The following KIF3A variants were observed in gnomAD, a reference collection of about 807,000 sequenced individuals.
KIF3A encodes kinesin family member 3A.
Under a neutral mutation model 92.6 loss-of-function variants are expected in KIF3A, and 27 were observed. The ratio of observed to expected loss-of-function variants is 0.29; its 90% CI spans 0.21 to 0.40. The LOEUF is 0.40. Ranked by LOEUF, KIF3A falls within the 10% of genes least tolerant of loss-of-function variation. KIF3A has a pLI of 1.00. For synonymous variants in KIF3A, 250 were observed against 275.4 expected (o/e 0.91, Z 0.92); for missense variants, 581 against 872.6 (o/e 0.67, Z 4.21).
At chr5:132,705,875 T>G (rs190961741) in intron 11 of KIF3A, among the ~76,000 whole-genome samples, 151 of 152,202 alleles carry the variant, frequency 9.9e-4, no homozygotes, top group African/African-American at 3.4e-3. Flanking sequence ...AGGACTTTTT[T>G]TTAAAAAAAC....
In KIF3A at chr5:132,728,089, C is replaced by G. The variant is rs543815270; in HGVS notation, c.281-1591G>C. Among the ~76,000 whole-genome samples, 26 of 152,228 alleles carry G rather than the reference C, an allele frequency of 1.7e-4. 1 individual carries two copies. The South Asian group carries it at 4.8e-3, about 28-fold the overall frequency. Reference sequence around the variant, plus strand: ...CACTTGAAGCAGAAAATATCATGAGCTCATAGACTGCATTTCAGAATAGAC... The same window carrying G: ...CACTTGAAGCAGAAAATATCATGAGGTCATAGACTGCATTTCAGAATAGAC... On this transcript the variant is annotated intron_variant, in intron 2 of 18. Coordinates refer to ENST00000403231, the MANE Select transcript of KIF3A (RefSeq NM_001300791.2).
At chr5:132,710,922 C>T (rs1418176487) in intron 9 of KIF3A, 37 bp downstream of exon 9, 1 of 1,613,274 alleles carries the variant, frequency 6.2e-7, no homozygotes, top group Non-Finnish European at 8.5e-7. Context: ...GTGAAACCAC[C>T]TAATTTCTAC....
chr5:132,719,169 A>G (rs1195718723), intron 5 of KIF3A, among the ~76,000 whole-genome samples: 4 of 152,216 alleles, frequency 2.6e-5, no homozygotes, highest in African/African-American at 4.8e-5. Context: ...CCATTTCTTC[A>G]AAGTCTCACC....
intron 8 of KIF3A, 73 bp from the exon 9 acceptor site, chr5:132,711,130 A>G: frequency 1.5e-6 from 2 of 1,378,194 alleles, no homozygotes; most frequent in Non-Finnish European, 2.0e-6. Flanking sequence ...TACCTATATC[A>G]GCTTTCTTCC....
intron 14 of KIF3A, 35 bp downstream of exon 14, chr5:132,702,523 A>C: frequency 8.2e-7 from 1 of 1,221,466 alleles, no homozygotes; most frequent in Non-Finnish European, 1.2e-6. Flanking sequence ...AAAAATCCAG[A>C]ACTGCATTAG....
chr5:132,711,429 T>C (rs905544125), intron 8 of KIF3A, among the ~76,000 whole-genome samples: 3 of 151,962 alleles, frequency 2.0e-5, no homozygotes, highest in African/African-American at 4.8e-5. Context: ...CCATCTCTAC[T>C]AAAAATACAA....
chr5:132,718,849 T>C (rs1483312995), intron 5 of KIF3A, among the ~76,000 whole-genome samples: 1 of 151,762 alleles, frequency 6.6e-6, no homozygotes, highest in Non-Finnish European at 1.5e-5. Flanking sequence ...GGCTGGTCTC[T>C]AACTCCTGAG....
chr5:132,719,684 G>GT (rs1279560710), intron 5 of KIF3A, among the ~76,000 whole-genome samples: 1 of 151,730 alleles, frequency 6.6e-6, no homozygotes, highest in Non-Finnish European at 1.5e-5. Flanking sequence ...TAGAGACGGG[G>GT]TTTCACCATG....
intron 4 of KIF3A, among the ~76,000 whole-genome samples, chr5:132,724,807 ATATAT>A (rs1462304198): frequency 2.3e-3 from 70 of 30,086 alleles, no homozygotes; most frequent in Non-Finnish European, 2.9e-3. Context: ...AAAAAAAAAA[ATATAT>A]ATATATATAT....
In KIF3A at chr5:132,737,312, C is replaced by G; in HGVS notation, c.6+102G>C. On this transcript the variant is annotated intron_variant, in intron 1 of 18. Transcript: ENST00000403231. ...CACGACCGAGCCTGCCCCGCCCCACCCAGGCCGCCTGCCGGCTCCGCGCCT... is the reference window on the plus strand; with the variant it reads ...CACGACCGAGCCTGCCCCGCCCCACGCAGGCCGCCTGCCGGCTCCGCGCCT... The G allele has an allele frequency of 3.7e-6, 5 of 1,362,410 alleles. No homozygotes were observed. In the South Asian group the frequency reaches 6.9e-5, roughly 19 times the overall value. 84.4% of individuals were successfully genotyped at this position (1,362,410 alleles called of 1,614,324 possible).
Position 132,693,538 on chromosome 5 carries a change from A to C in KIF3A, c.*3096T>G, listed in dbSNP as rs1040226874. The C allele has an allele frequency of 4.6e-5, 7 of 152,790 alleles. No homozygotes were observed. Among genetic ancestry groups the C allele is most frequent in the African/African-American group, 9.6e-5 (4 of 41,458 alleles). 9.5% of individuals were successfully genotyped at this position (152,790 alleles called of 1,614,324 possible). A position where few individuals can be genotyped will look rare whatever the true frequency, so the allele number is the denominator to read the frequency against. On this transcript the variant is annotated 3_prime_UTR_variant, in exon 19 of 19. Coordinates refer to ENST00000403231, the MANE Select transcript of KIF3A (RefSeq NM_001300791.2). ...AAAAAATGAGCAAGTGTGTTCATCT[A>C]TATCGTCTCACGAAATTAACACTGA... is the stretch of plus-strand genomic sequence containing the variant.
chr5:132,728,658 A>G (rs1194759504), intron 2 of KIF3A, among the ~76,000 whole-genome samples: 1 of 151,996 alleles, frequency 6.6e-6, no homozygotes, highest in African/African-American at 2.4e-5. Flanking sequence ...AATTGCTTGA[A>G]CCTGGGAGGC....
In KIF3A at chr5:132,693,057, GAAAC is replaced by G. The variant is rs929762644; in HGVS notation, c.*3573_*3576del. ...AAGGATATTAAAAACAGACTAAAAGGAAACAAACAAAACAAAAAACAACCAAAAA... is the reference window on the plus strand; with the variant it reads ...AAGGATATTAAAAACAGACTAAAAGGAAACAAAACAAAAAACAACCAAAAA... On this transcript the variant is annotated 3_prime_UTR_variant, in exon 19 of 19. Coordinates refer to ENST00000403231, the MANE Select transcript of KIF3A (RefSeq NM_001300791.2). 2.6e-5 allele frequency: 4 copies of G among 151,354 alleles called. No homozygotes were observed. Among genetic ancestry groups the G allele is most frequent in the African/African-American group, 7.3e-5 (3 of 41,062 alleles). The allele number at this position is 151,354 out of a possible 1,614,324, so 9.4% of individuals were successfully genotyped here.
chr5:132,716,009 A>G (rs898551109), intron 7 of KIF3A, 78 bp from the exon 8 acceptor site: 1 of 1,087,282 alleles, frequency 9.2e-7, no homozygotes. Flanking sequence ...CAAATACATC[A>G]AAAACATTTA....
intron 2 of KIF3A, among the ~76,000 whole-genome samples, chr5:132,732,285 C>T (rs79862532): frequency 6.6e-6 from 1 of 152,094 alleles, no homozygotes; most frequent in East Asian, 1.9e-4. Context: ...AACAAAGTTA[C>T]CATGTGACCT....
At chr5:132,729,789 A>G in intron 2 of KIF3A, among the ~76,000 whole-genome samples, 1 of 152,158 alleles carries the variant, frequency 6.6e-6, no homozygotes, top group East Asian at 1.9e-4. Context: ...CCATATTAGA[A>G]AGGAAAAAAG....
intron 4 of KIF3A, among the ~76,000 whole-genome samples, chr5:132,725,357 ATATT>A (rs1754002530): frequency 6.6e-6 from 1 of 152,158 alleles, no homozygotes; most frequent in East Asian, 1.9e-4. Context: ...AAAAAAGCTA[ATATT>A]TATTATGTCA....
chr5:132,693,187 TC>T lies in KIF3A; in HGVS notation c.*3446del, dbSNP rs1198272630. The T allele has an allele frequency of 4.0e-5, 6 of 149,186 alleles. No individual in the cohort carries two copies. The highest frequency in any genetic ancestry group is 1.5e-4 in the African/African-American group (6 of 40,380). 9.2% of individuals were successfully genotyped at this position (149,186 alleles called of 1,614,324 possible). ...GCTGTAAAAAGAAAAAAAAAACAAC[TC>T]CCTTTCTCCAGAAAGGAAATGAAAT... On this transcript the variant is annotated 3_prime_UTR_variant, in exon 19 of 19. Coordinates refer to ENST00000403231, the MANE Select transcript of KIF3A (RefSeq NM_001300791.2).
chr5:132,731,808 T>C (rs1273841760), intron 2 of KIF3A, among the ~76,000 whole-genome samples: 1 of 152,110 alleles, frequency 6.6e-6, no homozygotes, highest in East Asian at 1.9e-4. Context: ...CCTCCGAGGT[T>C]CAGGCGATTC....
Sources: allele counts gnomAD v4.1 joint callset (sites outside exome capture counted in the v4.1 genomes callset), GRCh38; gene constraint gnomAD v4.1.1; transcripts MANE v1.5; gene names NCBI Gene and HGNC (gene_info 2026-07-23, HGNC 2026-07-21).